Variants in RBM19 observed in about 807,000 individuals in gnomAD.
RBM19 encodes RNA binding motif protein 19, also known as probable RNA-binding protein 19.
In RBM19, 94 loss-of-function variants were observed where a neutral mutation model predicts 116.8. That is an observed-to-expected ratio of 0.80 (90% CI 0.68 to 0.95). The LOEUF is 0.95. Ranked by LOEUF, RBM19 falls within the 40% of genes least tolerant of loss-of-function variation. RBM19 has a pLI of 0.00. For synonymous variants in RBM19, 475 were observed against 494.1 expected (o/e 0.96, Z 0.51); for missense variants, 1,161 against 1,220.7 (o/e 0.95, Z 0.73).
In RBM19 at chr12:113,962,231, C is replaced by T. The variant is rs1042268118; in HGVS notation, c.219+1G>A. 1 of 1,614,158 alleles carries T rather than the reference C, an allele frequency of 6.2e-7. No homozygotes were observed. Among genetic ancestry groups the T allele is most frequent in the Non-Finnish European group, 8.5e-7 (1 of 1,179,944 alleles). On this transcript the variant is annotated splice_donor_variant, in intron 2 of 23. Transcript: ENST00000261741. LOFTEE classifies it high-confidence loss of function. ...TAAGGGTGAGACTCCTGCCCACTCA[C>T]TGTGATCCGGGATGTGTCGATGAAG...
intron 21 of RBM19, among the ~76,000 whole-genome samples, chr12:113,862,104 T>C (rs1878446072): frequency 6.6e-6 from 1 of 152,258 alleles, no homozygotes; most frequent in African/African-American, 2.4e-5. Context: ...AACTTCCCGA[T>C]GTCTGTGGAC....
intron 21 of RBM19, among the ~76,000 whole-genome samples, chr12:113,911,968 CCTCT>C (rs971191222): frequency 2.6e-5 from 4 of 152,168 alleles, no homozygotes; most frequent in African/African-American, 4.8e-5. Flanking sequence ...CACTGCTGTG[CCTCT>C]CTCTGAGTTT....
intron 21 of RBM19, among the ~76,000 whole-genome samples, chr12:113,897,432 C>A (rs4767156): frequency 0.16 from 24,063 of 152,272 alleles, 2,273 homozygotes; most frequent in Non-Finnish European, 0.22. Flanking sequence ...TCCCAAAGCA[C>A]TGGGATTACA....
intron 23 of RBM19, among the ~76,000 whole-genome samples, chr12:113,830,662 C>T (rs560939351): frequency 8.9e-5 from 13 of 146,372 alleles, no homozygotes; most frequent in African/African-American, 2.8e-4. Context: ...CAGACCTGTG[C>T]GGCTGGGAAG....
At chr12:113,849,017 G>A (rs1319165085) in intron 22 of RBM19, among the ~76,000 whole-genome samples, 3 of 152,228 alleles carry the variant, frequency 2.0e-5, no homozygotes, top group Non-Finnish European at 4.4e-5. Context: ...CTGAGGCACT[G>A]GCCAAGGTTT....
Position 113,822,902 on chromosome 12 carries a change from T to G in RBM19, c.*322A>C, listed in dbSNP as rs1874530641. On this transcript the variant is annotated 3_prime_UTR_variant, in exon 24 of 24. Coordinates refer to ENST00000261741, the MANE Select transcript of RBM19 (RefSeq NM_016196.4). ...GGGGTGGGGACAGGGGGAGCAGGGG[T>G]TCTAGCTCCCTGTGTAGCTGTTCCC... 1 of 248,770 alleles carries G rather than the reference T, an allele frequency of 4.0e-6. No homozygotes were observed. The highest frequency in any genetic ancestry group is 7.7e-6 in the Non-Finnish European group (1 of 129,640). 15.4% of individuals were successfully genotyped at this position (248,770 alleles called of 1,614,324 possible). A position where few individuals can be genotyped will look rare whatever the true frequency, so the allele number is the denominator to read the frequency against.
chr12:113,892,481 G>T (rs940520275), intron 21 of RBM19, among the ~76,000 whole-genome samples: 2 of 152,214 alleles, frequency 1.3e-5, no homozygotes, highest in Non-Finnish European at 2.9e-5. Context: ...TCAGGAGAAA[G>T]AATTTTGAAA....
chr12:113,868,412 C>T (rs1878993658), intron 21 of RBM19, among the ~76,000 whole-genome samples: 1 of 152,164 alleles, frequency 6.6e-6, no homozygotes, highest in Non-Finnish European at 1.5e-5. Flanking sequence ...TCAGAGATAA[C>T]TTTTTTAAAA....
At chr12:113,904,999 G>A (rs751184194) in intron 21 of RBM19, among the ~76,000 whole-genome samples, 21 of 152,326 alleles carry the variant, frequency 1.4e-4, no homozygotes, top group Non-Finnish European at 2.4e-4. Context: ...CGTGGCTGAC[G>A]CCTGGTCCAA....
intron 23 of RBM19, among the ~76,000 whole-genome samples, chr12:113,842,423 C>T (rs1876572545): frequency 6.6e-6 from 1 of 152,220 alleles, no homozygotes; most frequent in South Asian, 2.1e-4. Context: ...TTCTGCACAT[C>T]AGGATTTGGG....
chr12:113,928,853 T>A (rs1415072787), intron 16 of RBM19, among the ~76,000 whole-genome samples: 2 of 152,142 alleles, frequency 1.3e-5, no homozygotes, highest in Non-Finnish European at 2.9e-5. Context: ...CTAAGTCACA[T>A]GATTAGGACC....
chr12:113,900,426 C>T (rs1881615445), intron 21 of RBM19, among the ~76,000 whole-genome samples: 1 of 152,162 alleles, frequency 6.6e-6, no homozygotes. Context: ...TTCCACGGAG[C>T]CCAAACAGTC....
intron 1 of RBM19, among the ~76,000 whole-genome samples, chr12:113,963,955 G>A (rs73210919): frequency 0.048 from 7,299 of 152,234 alleles, 253 homozygotes; most frequent in Non-Finnish European, 0.079. Flanking sequence ...ATTCCAGGAG[G>A]CCTTTCTTAG....
At position 113,927,210 on chromosome 12, in the gene RBM19, T is replaced by C. The variant is rs765146654; in HGVS notation, c.2088A>G (p.Pro696=). 5.1e-6 allele frequency: 8 copies of C among 1,564,284 alleles called. No individual in the cohort carries two copies. The highest frequency in any genetic ancestry group is 6.9e-6 in the Non-Finnish European group (8 of 1,153,856). ...CTTCCTCTGTTGGATTTTCATCTTCTGGGGTTTCGCCATCAGGCACTGAAC... is the reference window on the plus strand; with the variant it reads ...CTTCCTCTGTTGGATTTTCATCTTCCGGGGTTTCGCCATCAGGCACTGAAC... ...EPETVPDGET[P]EDENPTEEGA... The change falls in exon 17 of 24, where the codon CCA becomes CCG. Residue 696 remains proline, a synonymous_variant. Coordinates refer to ENST00000261741, the MANE Select transcript of RBM19 (RefSeq NM_016196.4).
At chr12:113,863,739 A>G (rs1324512358) in intron 21 of RBM19, among the ~76,000 whole-genome samples, 2 of 152,226 alleles carry the variant, frequency 1.3e-5, no homozygotes, top group Non-Finnish European at 2.9e-5. Context: ...GAATCAGAAC[A>G]ACGGTGTGAT....
At chr12:113,899,321 A>G (rs945565695) in intron 21 of RBM19, among the ~76,000 whole-genome samples, 4 of 152,214 alleles carry the variant, frequency 2.6e-5, no homozygotes, top group African/African-American at 9.6e-5. Context: ...AGTCCGAGGC[A>G]GGAGCCACAA....
downstream of RBM19, among the ~76,000 whole-genome samples, chr12:113,818,915 T>A (rs1383840735): frequency 6.6e-6 from 1 of 152,174 alleles, no homozygotes; most frequent in Non-Finnish European, 1.5e-5. Context: ...TATCCTATAG[T>A]AGAGATGCCA....
chr12:113,860,932 G>C (rs1878313186), intron 21 of RBM19, among the ~76,000 whole-genome samples: 1 of 152,200 alleles, frequency 6.6e-6, no homozygotes, highest in African/African-American at 2.4e-5. Flanking sequence ...AGCCCTGGAA[G>C]GTAGACATTA....
intron 13 of RBM19, 83 bp downstream of exon 13, chr12:113,945,745 A>G (rs1487543963): frequency 4.2e-6 from 5 of 1,203,328 alleles, no homozygotes; most frequent in Non-Finnish European, 4.8e-6. Flanking sequence ...CCTCACAGCC[A>G]ACAGCAGTAC....
Sources: gnomAD v4.1 joint callset for allele counts (sites outside exome capture counted in the v4.1 genomes callset) on GRCh38, gnomAD v4.1.1 for gene constraint, MANE v1.5 for transcripts, NCBI Gene and HGNC (gene_info 2026-07-23, HGNC 2026-07-21) for gene names.